Variants in COL2A1 observed in about 807,000 individuals in gnomAD.
COL2A1 encodes collagen type II alpha 1 chain.
A neutral mutation model predicts 204.5 loss-of-function variants in COL2A1; 28 were observed. That is an observed-to-expected ratio of 0.14 (90% CI 0.10 to 0.19). The LOEUF (loss-of-function observed/expected upper bound fraction) is 0.19, where lower values mean the gene tolerates loss of function less well. COL2A1 is among the 10% of genes least tolerant of loss of function. The pLI, the probability that COL2A1 is intolerant of heterozygous loss-of-function variation, is 1.00. For missense variants in COL2A1, 1,388 were observed against 2,027.5 expected, an observed-to-expected ratio of 0.68 and a Z score of 6.06; for synonymous variants, 708 against 718.7, an observed-to-expected ratio of 0.99 and a Z score of 0.24.
chr12:47,973,162 G>T lies in COL2A1; in HGVS notation c.*245C>A, dbSNP rs1938517359. ...TCACACCAGTTAGTTTCCTGCCTCT[G>T]CCTTGACCCGAAGGTCTTACAGGAA... On this transcript the variant is annotated 3_prime_UTR_variant, in exon 54 of 54. Coordinates refer to ENST00000380518, the MANE Select transcript of COL2A1 (RefSeq NM_001844.5). 1 of 625,788 alleles carries T rather than the reference G, an allele frequency of 1.6e-6. No individual in the cohort carries two copies. The highest frequency in any genetic ancestry group is 2.9e-6 in the Non-Finnish European group (1 of 350,346). 38.8% of individuals were successfully genotyped at this position (625,788 alleles called of 1,614,324 possible).
At position 47,978,271 on chromosome 12, in the gene COL2A1, G is replaced by A. The variant is rs571017845; in HGVS notation, c.3003+20C>T. The A allele has an allele frequency of 1.3e-4, 202 of 1,612,856 alleles. 1 individual carries two copies. In the South Asian group the frequency reaches 2.1e-3, roughly 17 times the overall value. ...AGGCAGGGCCCAGCTTGGATGGAGGGAGGGATACCCCACACTCACCGACGG... is the reference window on the plus strand; with the variant it reads ...AGGCAGGGCCCAGCTTGGATGGAGGAAGGGATACCCCACACTCACCGACGG... On this transcript the variant is annotated intron_variant, in intron 43 of 53. Transcript: ENST00000380518. The surrounding 1 kb of genome is among the most constrained non-coding windows in gnomAD (Gnocchi z 5.5).
chr12:47,984,414 G>C, intron 28 of COL2A1, 132 bp downstream of exon 28: 1 of 964,554 alleles, frequency 1.0e-6, no homozygotes, highest in Non-Finnish European at 1.6e-6. Flanking sequence ...CAGCCAGCAT[G>C]GGGCTCAGCC....
intron 44 of COL2A1, 76 bp from the exon 45 acceptor site, chr12:47,977,729 A>G (rs1938803351): frequency 6.7e-7 from 1 of 1,499,488 alleles, no homozygotes; most frequent in Non-Finnish European, 9.2e-7. Flanking sequence ...AGCCCCTCTC[A>G]GAAGCCCAGG....
chr12:47,993,689 C>A (rs1383570876), intron 14 of COL2A1, 120 bp downstream of exon 14: 4 of 1,278,706 alleles, frequency 3.1e-6, no homozygotes, highest in Non-Finnish European at 4.5e-6. Flanking sequence ...GCTGGTGTTC[C>A]CAGCCAAGGC....
In COL2A1 at chr12:47,973,231, C is replaced by T. The variant is rs928662914; in HGVS notation, c.*176G>A. 3.8e-6 allele frequency: 3 copies of T among 785,888 alleles called. No individual in the cohort carries two copies. The highest frequency in any genetic ancestry group is 3.4e-5 in the African/African-American group (2 of 58,758). The allele number at this position is 785,888 out of a possible 1,614,324, so 48.7% of individuals were successfully genotyped here. A position where few individuals can be genotyped will look rare whatever the true frequency, so the allele number is the denominator to read the frequency against. On this transcript the variant is annotated 3_prime_UTR_variant, in exon 54 of 54. Transcript: ENST00000380518. ...CACCGAGATTTTATTTTGCAGTCTG[C>T]CCAGTTCAGGTCTCTTAGAAAGAGA...
Position 47,983,143 on chromosome 12 carries a change from G to A in COL2A1, c.2050-6C>T, listed in dbSNP as rs749523774. The A allele has an allele frequency of 6.2e-7, 1 of 1,613,390 alleles. No individual in the cohort carries two copies. Among genetic ancestry groups the A allele is most frequent in the South Asian group, 1.1e-5 (1 of 90,908 alleles). On this transcript the variant is annotated splice_polypyrimidine_tract_variant and splice_region_variant and intron_variant, in intron 31 of 53. Transcript: ENST00000380518. ...CCAGCTTCACCGGGAACACCCTGGA[G>A]AACAAAGAAAGATGTGTGAGAGTGA... is the stretch of plus-strand genomic sequence containing the variant.
chr12:47,984,076 C>T lies in COL2A1; in HGVS notation c.1941+11G>A. 2 of 1,610,808 alleles carry T rather than the reference C, an allele frequency of 1.2e-6. No individual in the cohort carries two copies. Among genetic ancestry groups the T allele is most frequent in the Non-Finnish European group, 1.7e-6 (2 of 1,178,758 alleles). On this transcript the variant is annotated intron_variant, in intron 29 of 53. Coordinates refer to ENST00000380518, the MANE Select transcript of COL2A1 (RefSeq NM_001844.5). Reference sequence around the variant, plus strand: ...CCCAGGGCCACCTGGGGAGGCTGGGCAGGTACTTACAGCAGGGCCAGGGGG... The same window carrying T: ...CCCAGGGCCACCTGGGGAGGCTGGGTAGGTACTTACAGCAGGGCCAGGGGG...
At position 47,972,994 on chromosome 12, in the gene COL2A1, A is replaced by G; in HGVS notation, c.*413T>C. ...CTTTCCAATAATCTTTTCATTTTTAATATCAATTGATGTTTTAAAAAATAC... is the reference window on the plus strand; with the variant it reads ...CTTTCCAATAATCTTTTCATTTTTAGTATCAATTGATGTTTTAAAAAATAC... On this transcript the variant is annotated 3_prime_UTR_variant, in exon 54 of 54. Coordinates refer to ENST00000380518, the MANE Select transcript of COL2A1 (RefSeq NM_001844.5). The G allele has an allele frequency of 2.0e-6, 1 of 497,436 alleles. No individual in the cohort carries two copies. 30.8% of individuals were successfully genotyped at this position (497,436 alleles called of 1,614,324 possible).
Position 47,995,822 on chromosome 12 carries a change from G to A in COL2A1, c.654+53C>T, listed in dbSNP as rs1939933177. On this transcript the variant is annotated intron_variant, in intron 9 of 53. Coordinates refer to ENST00000380518, the MANE Select transcript of COL2A1 (RefSeq NM_001844.5). Reference sequence around the variant, plus strand: ...CTATAAACTGCTAAAACATCATAGTGCTTGGGAATCATCTGCGACACGATG... The same window carrying A: ...CTATAAACTGCTAAAACATCATAGTACTTGGGAATCATCTGCGACACGATG... The A allele has an allele frequency of 4.4e-6, 7 of 1,608,058 alleles. No homozygotes were observed. In the South Asian group the frequency reaches 7.7e-5, roughly 18 times the overall value.
rs763003390 is a variant in COL2A1, at chr12:47,985,009, G to A, written c.1819C>T (p.Pro607Ser). ...GQPGVMGFPG[P>S]KGANGEPGKA... ...TTATTACTTACGTTGGCACCTTTGG[G>A]GCCAGGGAAACCCATGACACCAGGC... Residue 607 changes from proline to serine, a missense_variant, in exon 27 of 54, where the codon CCC (proline) becomes TCC (serine). Pro to Ser is a moderately conservative substitution (Grantham distance 74, BLOSUM62 -1). Transcript: ENST00000380518. 5 of 1,613,714 alleles carry A rather than the reference G, an allele frequency of 3.1e-6. No individual in the cohort carries two copies. Among genetic ancestry groups the A allele is most frequent in the African/African-American group, 2.7e-5 (2 of 74,896 alleles).
intron 12 of COL2A1, among the ~76,000 whole-genome samples, 183 bp downstream of exon 12, chr12:47,994,241 A>G (rs1299087285): frequency 1.3e-5 from 2 of 152,198 alleles, no homozygotes; most frequent in South Asian, 2.1e-4. Context: ...TGGTATAAAT[A>G]ACAACTGCCC....
intron 14 of COL2A1, 111 bp downstream of exon 14, chr12:47,993,698 G>A (rs1592229514): frequency 7.6e-7 from 1 of 1,321,656 alleles, no homozygotes; most frequent in East Asian, 2.3e-5. Context: ...CCCAGCCAAG[G>A]CTGTTCTGAG....
chr12:47,981,725 G>GGAGGTGTGACAGGGAGGC (rs1351235946), intron 36 of COL2A1, 51 bp downstream of exon 36: 15 of 1,522,604 alleles, frequency 9.9e-6, no homozygotes, highest in Middle Eastern at 1.7e-4. Context: ...GAGATAAGAA[G>GGAGGTGTGACAGGGAGGC]GAGGTGTGAC....
At position 47,987,824 on chromosome 12, in the gene COL2A1, C is replaced by A. The variant is rs1447632348; in HGVS notation, c.1123-115G>T. ...CACAGCACTAAATTATGCACATGCA[C>A]CCAACCCTGCACATGAACATGTGCG... is the stretch of plus-strand genomic sequence containing the variant. On this transcript the variant is annotated intron_variant, in intron 18 of 53. Transcript: ENST00000380518. The surrounding 1 kb of genome is among the most constrained non-coding windows in gnomAD (Gnocchi z 4.1). 10 of 766,666 alleles carry A rather than the reference C, an allele frequency of 1.3e-5. No homozygotes were observed. Among genetic ancestry groups the A allele is most frequent in the Non-Finnish European group, 2.3e-5 (10 of 441,414 alleles). The allele number at this position is 766,666 out of a possible 1,614,324, so 47.5% of individuals were successfully genotyped here.
At chr12:47,982,977 C>A in intron 32 of COL2A1, 31 bp from the exon 33 acceptor site, 4 of 1,610,476 alleles carry the variant, frequency 2.5e-6, no homozygotes, top group East Asian at 2.2e-5. Context: ...AGTGATCAAC[C>A]AACAGCAGTG....
chr12:47,975,851 A>G (rs1453929102), intron 50 of COL2A1, 112 bp downstream of exon 50: 2 of 907,750 alleles, frequency 2.2e-6, no homozygotes, highest in African/African-American at 3.3e-5. Flanking sequence ...AAAGGATGCC[A>G]TCACTGTTAG....
At chr12:48,002,728 C>CA (rs1398697258) in intron 1 of COL2A1, 7 of 152,362 alleles carry the variant, frequency 4.6e-5, no homozygotes, top group African/African-American at 1.7e-4. Flanking sequence ...AAATGTAGTA[C>CA]AAAAATATAG....
intron 16 of COL2A1, among the ~76,000 whole-genome samples, chr12:47,991,629 G>A (rs558515536): frequency 6.6e-6 from 1 of 152,272 alleles, no homozygotes; most frequent in Admixed American, 6.5e-5. Context: ...TACACACGCT[G>A]CCAGCCTAAC....
chr12:48,004,594 C>A, upstream of COL2A1: 1 of 342,630 alleles, frequency 2.9e-6, no homozygotes, highest in Non-Finnish European at 5.3e-6. Flanking sequence ...AACCGCCCGC[C>A]CCCGGAGCCC....
Sources: gnomAD v4.1 joint callset for allele counts (sites outside exome capture counted in the v4.1 genomes callset) on GRCh38, gnomAD v4.1.1 for gene constraint, Gnocchi (gnomAD v3.1) non-coding constraint, MANE v1.5 for transcripts, NCBI Gene and HGNC (gene_info 2026-07-23, HGNC 2026-07-21) for gene names.